DDB2: variants seen among roughly 807,000 people sequenced by gnomAD.
DDB2 encodes damage specific DNA binding protein 2, also known as DNA damage-binding protein 2.
Under a neutral mutation model 50.5 loss-of-function variants are expected in DDB2, and 27 were observed. The observed-to-expected ratio is 0.53, with a 90% CI of 0.39 to 0.74. The LOEUF (loss-of-function observed/expected upper bound fraction) is 0.74. Among genes scored for constraint, DDB2 ranks in the 30% least tolerant of loss-of-function variants. The probability of loss-of-function intolerance (pLI) is 0.00; values close to 1 mark genes in which losing one functional copy is unlikely to be tolerated. For synonymous variants in DDB2, 176 were observed against 205.5 expected (o/e 0.86, Z 1.23); for missense variants, 424 against 545.6 (o/e 0.78, Z 2.22).
intron 3 of DDB2, among the ~76,000 whole-genome samples, chr11:47,230,699 TG>T (rs1265415240): frequency 4.6e-5 from 7 of 152,110 alleles, no homozygotes; most frequent in Non-Finnish European, 8.8e-5. Flanking sequence ...GATAGCTAAG[TG>T]GTTGTTGCAT....
intron 3 of DDB2, among the ~76,000 whole-genome samples, chr11:47,225,465 G>A (rs1261302348): frequency 5.9e-5 from 9 of 151,634 alleles, no homozygotes; most frequent in African/African-American, 1.7e-4. Flanking sequence ...GGTCGTGGGC[G>A]CCTGTAATCC....
chr11:47,235,559 G>GCT, intron 7 of DDB2, 147 bp downstream of exon 7: 4 of 771,100 alleles, frequency 5.2e-6, no homozygotes, highest in Non-Finnish European at 6.5e-6. Flanking sequence ...TTACCCATTG[G>GCT]CTCTCTCTCT....
At chr11:47,233,247 C>T in intron 4 of DDB2, 1 of 465,500 alleles carries the variant, frequency 2.1e-6, no homozygotes. Context: ...ATGGCGTGGA[C>T]CCAGAAAGCC....
intron 2 of DDB2, 39 bp from the exon 3 acceptor site, chr11:47,216,819 G>A: frequency 6.2e-7 from 1 of 1,603,202 alleles, no homozygotes; most frequent in Non-Finnish European, 8.5e-7. Flanking sequence ...CCCAGAACTT[G>A]GGTTTTAATT....
chr11:47,237,168 G>A (rs890654532), intron 7 of DDB2, among the ~76,000 whole-genome samples: 1 of 152,178 alleles, frequency 6.6e-6, no homozygotes, highest in East Asian at 1.9e-4. Flanking sequence ...TCCTGTTAGG[G>A]TTTGGTCACC....
intron 3 of DDB2, among the ~76,000 whole-genome samples, chr11:47,229,348 G>A (rs1268955939): frequency 6.6e-6 from 1 of 152,184 alleles, no homozygotes; most frequent in Non-Finnish European, 1.5e-5. Flanking sequence ...GCGGAGTCAA[G>A]TGGGGTGAGC....
intron 1 of DDB2, 35 bp downstream of exon 1, chr11:47,215,298 C>CT (rs1318725617): frequency 6.2e-7 from 1 of 1,613,226 alleles, no homozygotes; most frequent in South Asian, 1.1e-5. Flanking sequence ...ATATTTCCGC[C>CT]TTTTAGGGTG....
At chr11:47,215,641 C>T in intron 1 of DDB2, 1 of 338,380 alleles carries the variant, frequency 3.0e-6, no homozygotes, top group Non-Finnish European at 5.8e-6. Flanking sequence ...CCCCCAATTC[C>T]TTCCTCCTTA....
intron 7 of DDB2, chr11:47,235,766 AT>A (rs985915407): frequency 6.9e-5 from 18 of 260,414 alleles, no homozygotes; most frequent in South Asian, 9.7e-5. Context: ...TTTTTTTATT[AT>A]TTTTTTTAAG....
chr11:47,225,281 G>A (rs1300946236), intron 3 of DDB2, among the ~76,000 whole-genome samples: 3 of 146,762 alleles, frequency 2.0e-5, no homozygotes, highest in Non-Finnish European at 1.5e-5. Flanking sequence ...ACTCTAACAA[G>A]TAATACTGCT....
At chr11:47,219,604 C>T (rs778596999) in intron 3 of DDB2, among the ~76,000 whole-genome samples, 23 of 152,152 alleles carry the variant, frequency 1.5e-4, no homozygotes, top group Non-Finnish European at 2.8e-4. Flanking sequence ...TCTGTCTTGT[C>T]TTCCCAAATT....
intron 3 of DDB2, among the ~76,000 whole-genome samples, chr11:47,228,138 C>CAAAAAA (rs35908583): frequency 3.5e-5 from 2 of 57,460 alleles, no homozygotes; most frequent in African/African-American, 6.5e-5. Flanking sequence ...GGCTCTGTCT[C>CAAAAAA]AAAAAAAAAA....
intron 4 of DDB2, 84 bp downstream of exon 4, chr11:47,233,043 C>A: frequency 6.9e-7 from 1 of 1,451,570 alleles, no homozygotes. Context: ...TTTCCTTAAC[C>A]CAACCTGGCC....
intron 3 of DDB2, among the ~76,000 whole-genome samples, chr11:47,228,702 G>T (rs1953595849): frequency 6.7e-6 from 1 of 149,610 alleles, no homozygotes; most frequent in Non-Finnish European, 1.5e-5. Context: ...AGGTCCGGTG[G>T]CTCATGACTG....
chr11:47,217,090 T>C, intron 3 of DDB2, 41 bp downstream of exon 3: 2 of 1,584,660 alleles, frequency 1.3e-6, no homozygotes, highest in Non-Finnish European at 1.7e-6. Flanking sequence ...AAGAAGTGTT[T>C]GTTGGCTGGG....
intron 3 of DDB2, among the ~76,000 whole-genome samples, chr11:47,223,459 G>C (rs1953514612): frequency 6.6e-6 from 1 of 151,298 alleles, no homozygotes; most frequent in African/African-American, 2.4e-5. Context: ...CTCCATTCTG[G>C]GTGACAGAGC....
Position 47,232,863 on chromosome 11 carries a change from C to T in DDB2, c.506C>T (p.Thr169Ile). The T allele has an allele frequency of 6.2e-7, 1 of 1,614,120 alleles. No homozygotes were observed. The highest frequency in any genetic ancestry group is 8.5e-7 in the Non-Finnish European group (1 of 1,180,014). ...GGGCTGAAGTTTAACCCTCTCAATA[C>T]CAACCAGTTTTACGCCTCCTCAATG... ...ITGLKFNPLN[T>I]NQFYASSMEG... Residue 169 changes from threonine (T) to isoleucine (I), a missense_variant, in exon 4 of 10, where the codon ACC becomes ATC. Physicochemically the swap from Thr to Ile is moderately conservative, Grantham distance 89 (BLOSUM62 -1). Transcript: ENST00000256996.
chr11:47,223,814 ATGATTTC>A (rs1410885235), intron 3 of DDB2, among the ~76,000 whole-genome samples: 2 of 151,834 alleles, frequency 1.3e-5, no homozygotes, highest in African/African-American at 4.8e-5. Context: ...AAAAATAAAG[ATGATTTC>A]TAGTTGGGCT....
intron 9 of DDB2, 24 bp downstream of exon 9, chr11:47,238,207 G>A (rs41547817): frequency 1.3e-6 from 2 of 1,597,042 alleles, no homozygotes; most frequent in African/African-American, 2.7e-5. Flanking sequence ...GAATGTCTCT[G>A]ACTTGCCAAG....
Sources: allele counts gnomAD v4.1 joint callset (sites outside exome capture counted in the v4.1 genomes callset), GRCh38; gene constraint gnomAD v4.1.1; transcripts MANE v1.5; gene names NCBI Gene and HGNC (gene_info 2026-07-23, HGNC 2026-07-21).